Variants in MCC observed in about 807,000 individuals in gnomAD.
The protein encoded by MCC is MCC regulator of Wnt signaling pathway.
Under a neutral mutation model 116.2 loss-of-function variants are expected in MCC, and 90 were observed. The observed-to-expected ratio is 0.77, with a 90% CI of 0.65 to 0.92. The LOEUF (loss-of-function observed/expected upper bound fraction) is 0.92. Ranked by LOEUF, MCC falls within the 40% of genes least tolerant of loss-of-function variation. The pLI is 0.00. For missense variants in MCC, 1,516 were observed against 1,312.2 expected (o/e 1.16, Z -2.40); for synonymous variants, 578 against 510.5 (o/e 1.13, Z -1.78).
chr5:113,118,277 A>C (rs2150267062), intron 6 of MCC, among the ~76,000 whole-genome samples: 1 of 152,312 alleles, frequency 6.6e-6, no homozygotes, highest in East Asian at 1.9e-4. Flanking sequence ...AATTCTAAGC[A>C]ATAACTCCTA....
At chr5:113,249,724 G>C (rs1011536714) in intron 3 of MCC, among the ~76,000 whole-genome samples, 40 of 152,320 alleles carry the variant, frequency 2.6e-4, no homozygotes, top group African/African-American at 8.9e-4. Context: ...GAGCTAGTCA[G>C]AGCAGCATGC....
At chr5:113,336,117 GGA>G (rs891247159) in intron 3 of MCC, among the ~76,000 whole-genome samples, 1 of 151,008 alleles carries the variant, frequency 6.6e-6, no homozygotes, top group Admixed American at 6.6e-5. Flanking sequence ...ACAGGGAGTG[GGA>G]GAGAGAGAGA....
intron 1 of MCC, among the ~76,000 whole-genome samples, chr5:113,441,823 C>G (rs10477492): frequency 0.12 from 17,509 of 152,144 alleles, 1,745 homozygotes; most frequent in African/African-American, 0.27. Flanking sequence ...CCCTGCAAAG[C>G]ACATGAACTC....
intron 3 of MCC, among the ~76,000 whole-genome samples, chr5:113,329,853 T>C (rs1767657359): frequency 6.6e-6 from 1 of 152,152 alleles, no homozygotes; most frequent in African/African-American, 2.4e-5. Flanking sequence ...AAAGCAGGGC[T>C]CCCTTCTACT....
At chr5:113,414,392 T>C (rs1040800365) in intron 1 of MCC, among the ~76,000 whole-genome samples, 2 of 152,322 alleles carry the variant, frequency 1.3e-5, no homozygotes, top group Middle Eastern at 3.4e-3. Context: ...ATTATTATTG[T>C]GTGAGAGTCT....
At chr5:113,444,361 G>A (rs1377371286) in intron 1 of MCC, among the ~76,000 whole-genome samples, 1 of 152,180 alleles carries the variant, frequency 6.6e-6, no homozygotes, top group African/African-American at 2.4e-5. Flanking sequence ...TAGGGTGAAA[G>A]ACAGAGATTG....
intron 8 of MCC, among the ~76,000 whole-genome samples, chr5:113,089,802 A>C (rs562903624): frequency 6.6e-6 from 1 of 152,344 alleles, no homozygotes; most frequent in African/African-American, 2.4e-5. Flanking sequence ...AGGAGGTGAA[A>C]AAACAAACAA....
intron 5 of MCC, among the ~76,000 whole-genome samples, chr5:113,137,635 T>C (rs1474651511): frequency 6.6e-6 from 1 of 152,182 alleles, no homozygotes; most frequent in Non-Finnish European, 1.5e-5. Flanking sequence ...TCATTAGTGA[T>C]ATTAGCCTGA....
chr5:113,296,637 G>A (rs1188156226), intron 3 of MCC, among the ~76,000 whole-genome samples: 1 of 152,146 alleles, frequency 6.6e-6, no homozygotes, highest in Admixed American at 6.5e-5. Flanking sequence ...GGTGAGAAAG[G>A]GGGGTTGGTG....
intron 3 of MCC, chr5:113,294,964 G>T (rs1177602009): frequency 1.0e-6 from 1 of 985,478 alleles, no homozygotes; most frequent in Non-Finnish European, 1.2e-6. Flanking sequence ...GAACACAGCT[G>T]TCTAGCTGCT....
intron 3 of MCC, among the ~76,000 whole-genome samples, chr5:113,170,479 C>T (rs548835172): frequency 5.7e-4 from 87 of 152,116 alleles, no homozygotes; most frequent in Non-Finnish European, 1.1e-3. Context: ...TAAAGTCCCA[C>T]AGTACCCAGC....
chr5:113,429,942 C>G (rs1770582427), intron 1 of MCC, among the ~76,000 whole-genome samples: 1 of 152,198 alleles, frequency 6.6e-6, no homozygotes, highest in Admixed American at 6.5e-5. Context: ...AAGGTCACGT[C>G]TTTGTACATT....
At chr5:113,125,640 C>T (rs769738749) in intron 5 of MCC, among the ~76,000 whole-genome samples, 11 of 152,064 alleles carry the variant, frequency 7.2e-5, no homozygotes, top group Non-Finnish European at 1.2e-4. Flanking sequence ...TTGCAGTATG[C>T]GTGGCAGACT....
chr5:113,217,579 A>G (rs1763372487), intron 3 of MCC, among the ~76,000 whole-genome samples: 1 of 152,228 alleles, frequency 6.6e-6, no homozygotes, highest in African/African-American at 2.4e-5. Context: ...ACATTTAGCA[A>G]AAAGTAAAAA....
chr5:113,474,690 T>A (rs536658710), intron 1 of MCC, among the ~76,000 whole-genome samples: 5 of 152,300 alleles, frequency 3.3e-5, no homozygotes, highest in African/African-American at 1.2e-4. Context: ...AATACTAGGA[T>A]AATAATCCTG....
chr5:113,262,681 A>G (rs1765259149), intron 3 of MCC, among the ~76,000 whole-genome samples: 1 of 152,210 alleles, frequency 6.6e-6, no homozygotes, highest in Non-Finnish European at 1.5e-5. Flanking sequence ...ATGGCATCCA[A>G]ACACAGGTTT....
intron 13 of MCC, among the ~76,000 whole-genome samples, chr5:113,067,740 G>A (rs1029845202): frequency 2.6e-5 from 4 of 152,288 alleles, no homozygotes; most frequent in Non-Finnish European, 5.9e-5. Flanking sequence ...GGCAGCATGT[G>A]CCTTGACAAC....
chr5:113,234,243 C>T (rs1352122278), intron 3 of MCC, among the ~76,000 whole-genome samples: 1 of 152,066 alleles, frequency 6.6e-6, no homozygotes, highest in Non-Finnish European at 1.5e-5. Context: ...CATCATGATA[C>T]TGAAAATTAC....
chr5:113,036,307 G>C (rs1433952153), intron 17 of MCC, among the ~76,000 whole-genome samples: 3 of 152,066 alleles, frequency 2.0e-5, no homozygotes, highest in Non-Finnish European at 4.4e-5. Context: ...GAAAGTACTA[G>C]GATTACAGGC....
Sources: allele counts gnomAD v4.1 joint callset (sites outside exome capture counted in the v4.1 genomes callset), GRCh38; gene constraint gnomAD v4.1.1; transcripts MANE v1.5; gene names NCBI Gene and HGNC (gene_info 2026-07-23, HGNC 2026-07-21).